The following ZNF624 variants were observed in gnomAD, a reference collection of about 807,000 sequenced individuals.
ZNF624 encodes the protein zinc finger protein 624.
A neutral mutation model predicts 74.7 loss-of-function variants in ZNF624; 43 were observed. The observed-to-expected ratio is 0.58, with a 90% CI of 0.45 to 0.74. The LOEUF is 0.74. Among genes scored for constraint, ZNF624 ranks in the 30% least tolerant of loss-of-function variants. The probability of loss-of-function intolerance (pLI) is 0.00; values close to 1 mark genes in which losing one functional copy is unlikely to be tolerated. For missense variants in ZNF624, 820 were observed against 1,030.0 expected (o/e 0.80, Z 2.79); for synonymous variants, 331 against 341.3 (o/e 0.97, Z 0.33).
chr17:16,648,905 G>C (rs9916819), intron 2 of ZNF624, among the ~76,000 whole-genome samples: 49,527 of 151,954 alleles, frequency 0.33, 10,687 homozygotes, highest in African/African-American at 0.61. Context: ...CCTTAAACCC[G>C]TTTCTCACCT....
rs1218265987 is a variant in ZNF624 at position 16,623,409 on chromosome 17, T to A, written c.1477A>T (p.Thr493Ser). ...TCATAGGGTTTTTCCCCAGTGTGAG[T>A]TCTTATATGTACGATAAGGCTTGAA... ...SNSSLIVHIR[T>S]HTGEKPYECN... Residue 493 changes from threonine to serine, a missense_variant, in exon 6 of 6, where the codon ACT becomes TCT. Physicochemically the swap from Thr to Ser is moderately conservative, Grantham distance 58. Transcript: ENST00000311331. The surrounding 1 kb of genome is among the most constrained non-coding windows in gnomAD (Gnocchi z 5.3). 4 of 1,613,952 alleles carry A rather than the reference T, an allele frequency of 2.5e-6. No individual in the cohort carries two copies. The highest frequency in any genetic ancestry group is 3.4e-6 in the Non-Finnish European group (4 of 1,179,968).
downstream of ZNF624, among the ~76,000 whole-genome samples, chr17:16,618,370 A>C (rs189882623): frequency 1.3e-3 from 205 of 152,278 alleles, no homozygotes; most frequent in Non-Finnish European, 2.2e-3. Context: ...TATATAAATG[A>C]AATGTTTTGG....
At position 16,623,246 on chromosome 17, in the gene ZNF624, T is replaced by C. The variant is rs750067139; in HGVS notation, c.1640A>G (p.His547Arg). 1.2e-6 allele frequency: 2 copies of C among 1,614,012 alleles called. No homozygotes were observed. Among genetic ancestry groups the C allele is most frequent in the South Asian group, 2.2e-5 (2 of 91,076 alleles). Residue 547 changes from histidine to arginine, a missense_variant, in exon 6 of 6, where the codon CAC becomes CGC. Physicochemically the swap from His to Arg is conservative, Grantham distance 29. Coordinates refer to ENST00000311331, the MANE Select transcript of ZNF624 (RefSeq NM_020787.4). The surrounding 1 kb of genome is among the most constrained non-coding windows in gnomAD (Gnocchi z 5.3). The stretch of plus-strand genomic sequence containing the variant: ...AGGTTTCTCTCCTGTATGCATTCTG[T>C]GGTGTACAGTAAGGCATGAATAATT... ...FINYSCLTVHHRMHTGEKPYK... is the reference protein window; with the variant it reads ...FINYSCLTVHRRMHTGEKPYK...
At chr17:16,650,152 G>GA (rs970060191) in intron 1 of ZNF624, among the ~76,000 whole-genome samples, 1 of 151,530 alleles carries the variant, frequency 6.6e-6, no homozygotes, top group Non-Finnish European at 1.5e-5. Flanking sequence ...TGTGAAGTAC[G>GA]AAAAAAAATA....
In ZNF624 at chr17:16,622,426, G is replaced by A. The variant is rs776389672; in HGVS notation, c.2460C>T (p.Asn820=). ...CEECGKAFRT[N]SDFTVHLRMH... ...TCCTCAAGTGTACAGTAAAGTCTGA[G>A]TTAGTTCTGAAGGCTTTTCCACATT... Residue 820 remains asparagine, a synonymous_variant, in exon 6 of 6, where the codon AAC becomes AAT. Coordinates refer to ENST00000311331, the MANE Select transcript of ZNF624 (RefSeq NM_020787.4). The A allele has an allele frequency of 1.8e-5, 29 of 1,613,644 alleles. No homozygotes were observed. Among genetic ancestry groups the A allele is most frequent in the Non-Finnish European group, 2.1e-5 (25 of 1,179,864 alleles).
intron 4 of ZNF624, 102 bp from the exon 5 acceptor site, chr17:16,634,059 AG>A (rs1409679632): frequency 6.2e-6 from 4 of 640,736 alleles, no homozygotes; most frequent in East Asian, 6.3e-5. Context: ...TGACCATTAC[AG>A]GAAGTTCTAG....
chr17:16,629,660 G>A (rs1316877962), intron 5 of ZNF624, among the ~76,000 whole-genome samples: 1 of 152,086 alleles, frequency 6.6e-6, no homozygotes, highest in Non-Finnish European at 1.5e-5. Flanking sequence ...TCCGCCTCCT[G>A]GGTTCAAGTG....
At chr17:16,617,275 C>T (rs1908809951), downstream of ZNF624, 2 of 1,613,516 alleles carry the variant, frequency 1.2e-6, no homozygotes, top group South Asian at 1.1e-5. Flanking sequence ...ACTTCGTGAC[C>T]ATCTTCTAGA....
In ZNF624 at chr17:16,622,640, T is replaced by G; in HGVS notation, c.2246A>C (p.Glu749Ala). 1 of 1,614,120 alleles carries G rather than the reference T, an allele frequency of 6.2e-7. No homozygotes were observed. Residue 749 changes from glutamate (E) to alanine (A), a missense_variant, in exon 6 of 6, where the codon GAG (glutamate) becomes GCG (alanine). Glu to Ala is a moderately radical substitution (Grantham distance 107, BLOSUM62 -1). Coordinates refer to ENST00000311331, the MANE Select transcript of ZNF624 (RefSeq NM_020787.4). ...VTEHQKIHSG[E>A]KPYKCDVCGK... ...ACAGACATCACACTTATAGGGCTTC[T>G]CTCCACTATGGATTTTCTGATGTTC...
chr17:16,618,130 G>A (rs751826610), downstream of ZNF624, among the ~76,000 whole-genome samples: 6 of 152,100 alleles, frequency 3.9e-5, no homozygotes, highest in Non-Finnish European at 8.8e-5. Flanking sequence ...CTTGAAGTCA[G>A]GAGTTCAAGA....
chr17:16,624,500 G>A lies in ZNF624; in HGVS notation c.386C>T (p.Pro129Leu). ...ISRIPYPDME[P>L]KPATKKATRT... ...TGTAGCCTTCTTGGTTGCAGGTTTG[G>A]GCTCCATGTCTGGGGCAAAAAAGAG... is the stretch of plus-strand genomic sequence containing the variant. The change falls in exon 6 of 6, where the codon CCC becomes CTC. Residue 129 changes from proline (P) to leucine (L), a missense_variant. Pro to Leu is a moderately conservative substitution (Grantham distance 98). Transcript: ENST00000311331. The A allele has an allele frequency of 6.4e-7, 1 of 1,561,460 alleles. No homozygotes were observed. The highest frequency in any genetic ancestry group is 8.6e-7 in the Non-Finnish European group (1 of 1,160,884).
In ZNF624 at chr17:16,622,624, A is replaced by G. The variant is rs145402598; in HGVS notation, c.2262T>C (p.Cys754=). The part of the protein sequence containing the change: ...KIHSGEKPYK[C]DVCGKAFRRG... ...TCCTGAAGGCTTTTCCACAGACATC[A>G]CACTTATAGGGCTTCTCTCCACTAT... The change falls in exon 6 of 6, where the codon TGT becomes TGC. Residue 754 remains cysteine, a synonymous_variant. Coordinates refer to ENST00000311331, the MANE Select transcript of ZNF624 (RefSeq NM_020787.4). 6.2e-6 allele frequency: 10 copies of G among 1,613,928 alleles called. No homozygotes were observed. The highest frequency in any genetic ancestry group is 1.6e-4 in the Middle Eastern group (1 of 6,084).
At chr17:16,640,203 T>G (rs981038530) in intron 3 of ZNF624, among the ~76,000 whole-genome samples, 9 of 151,980 alleles carry the variant, frequency 5.9e-5, no homozygotes, top group African/African-American at 2.2e-4. Context: ...AGACAAGAAG[T>G]AAAAATTTAT....
rs1909010670 is a variant in ZNF624, at chr17:16,624,374, C to T, written c.512G>A (p.Trp171Ter). 2.5e-6 allele frequency: 4 copies of T among 1,613,860 alleles called. No homozygotes were observed. The highest frequency in any genetic ancestry group is 2.5e-6 in the Non-Finnish European group (3 of 1,179,994). Residue 171 changes from tryptophan (W) to a stop codon, truncating the protein, a stop_gained, in exon 6 of 6, where the codon TGG (tryptophan) becomes TAG (stop). Transcript: ENST00000311331. LOFTEE classifies it high-confidence loss of function. ...TTGTAATCTCAATATCCTATCATTC[C>T]ATTTCCATAACCCTTCCATTCTGGA... Reference protein sequence around the residue: ...WDSRMEGLWKWNDRILRLQNN... With the variant: ...WDSRMEGLWK
Position 16,622,242 on chromosome 17 carries a change from G to A in ZNF624, c.*46C>T. ...TATATTCATAAAATATAGTTTATAAGATTCATCTTGTGGAGTTGACATCTA... is the reference window on the plus strand; with the variant it reads ...TATATTCATAAAATATAGTTTATAAAATTCATCTTGTGGAGTTGACATCTA... On this transcript the variant is annotated 3_prime_UTR_variant, in exon 6 of 6. Coordinates refer to ENST00000311331, the MANE Select transcript of ZNF624 (RefSeq NM_020787.4). The A allele has an allele frequency of 7.2e-7, 1 of 1,391,666 alleles. No individual in the cohort carries two copies. Among genetic ancestry groups the A allele is most frequent in the Non-Finnish European group, 9.6e-7 (1 of 1,037,644 alleles). The allele number at this position is 1,391,666 out of a possible 1,614,324, so 86.2% of individuals were successfully genotyped here.
In ZNF624 at chr17:16,628,949, A is replaced by G. The variant is rs1195823996; in HGVS notation, c.377-4440T>C. The stretch of plus-strand genomic sequence containing the variant: ...CACAGTGGCTCACACCTGTAATCCC[A>G]GCACTTTGGGAAGCCAAGATGGGCA... On this transcript the variant is annotated intron_variant, in intron 5 of 5. Transcript: ENST00000311331. 2.6e-5 allele frequency among the ~76,000 whole-genome samples: 4 copies of G among 152,136 alleles called. 1 individual carries two copies.
downstream of ZNF624, among the ~76,000 whole-genome samples, chr17:16,619,287 T>C (rs750274958): frequency 8.5e-5 from 13 of 152,236 alleles, no homozygotes; most frequent in South Asian, 2.1e-4. Flanking sequence ...AAAATATCTT[T>C]ATGACCTTGA....
intron 2 of ZNF624, among the ~76,000 whole-genome samples, chr17:16,647,919 A>ATTTATT (rs1160776186): frequency 6.6e-5 from 10 of 151,630 alleles, no homozygotes; most frequent in African/African-American, 2.4e-4. Flanking sequence ...TTATTTATTT[A>ATTTATT]TTTATTTTTA....
rs137971349 is a variant in ZNF624 at position 16,633,956 on chromosome 17, C to A, written c.282G>T (p.Gly94=). The A allele has an allele frequency of 1.9e-6, 3 of 1,612,258 alleles. No homozygotes were observed. In the South Asian group the frequency reaches 3.3e-5, roughly 18 times the overall value. The part of the protein sequence containing the change: ...LENYRNLVSL[G]LAVSKPDMIS... ...TCATGTCTGGTTTGGAAACTGCAAG[C>A]CCTGTCCAGAGAAAAATAAATAGGA... Residue 94 remains glycine (G), a splice_region_variant and synonymous_variant, in exon 5 of 6, where the codon GGG becomes GGT. Coordinates refer to ENST00000311331, the MANE Select transcript of ZNF624 (RefSeq NM_020787.4).
Sources: gnomAD v4.1 joint callset for allele counts (sites outside exome capture counted in the v4.1 genomes callset) on GRCh38, gnomAD v4.1.1 for gene constraint, Gnocchi (gnomAD v3.1) non-coding constraint, MANE v1.5 for transcripts, NCBI Gene and HGNC (gene_info 2026-07-23, HGNC 2026-07-21) for gene names.